NCLN: variants seen among roughly 807,000 people sequenced by gnomAD.
NCLN encodes the protein BOS complex subunit NCLN.
Under a neutral mutation model 69.5 loss-of-function variants are expected in NCLN, and 34 were observed. The observed-to-expected ratio is 0.49, with a 90% CI of 0.37 to 0.65. The LOEUF is 0.65. Among genes scored for constraint, NCLN ranks in the 30% least tolerant of loss-of-function variants. The pLI is 0.00. For synonymous variants in NCLN, 393 were observed against 358.3 expected (o/e 1.10, Z -1.09); for missense variants, 710 against 804.8 (o/e 0.88, Z 1.42).
At chr19:3,198,157 G>T (rs988907303) in intron 4 of NCLN, among the ~76,000 whole-genome samples, 16 of 152,150 alleles carry the variant, frequency 1.1e-4, no homozygotes, top group Admixed American at 3.9e-4. Context: ...GAGGGGCTCA[G>T]CCCCGTTCCC....
chr19:3,206,653 T>C (rs752927638), intron 12 of NCLN, among the ~76,000 whole-genome samples: 17 of 152,098 alleles, frequency 1.1e-4, no homozygotes, highest in Non-Finnish European at 2.1e-4. Flanking sequence ...CTGGCCAACA[T>C]AGTGAAACCT....
chr19:3,189,092 C>T (rs557405787), intron 1 of NCLN, among the ~76,000 whole-genome samples: 8 of 152,332 alleles, frequency 5.3e-5, no homozygotes, highest in African/African-American at 1.2e-4. Context: ...AGGCACAGGG[C>T]GGGGCGGTGC....
At chr19:3,198,201 G>A (rs528582752) in intron 4 of NCLN, among the ~76,000 whole-genome samples, 66 of 152,142 alleles carry the variant, frequency 4.3e-4, no homozygotes, top group South Asian at 8.3e-4. Flanking sequence ...GCTCAGCCCC[G>A]TTCCTATAAA....
chr19:3,206,492 C>A, intron 12 of NCLN, 67 bp downstream of exon 12: 2 of 1,482,060 alleles, frequency 1.3e-6, no homozygotes, highest in Non-Finnish European at 1.8e-6. Context: ...CCTACTGCAT[C>A]TCCCACCCCC....
intron 7 of NCLN, 44 bp from the exon 8 acceptor site, chr19:3,203,961 C>T (rs903041661): frequency 6.5e-7 from 1 of 1,542,752 alleles, no homozygotes; most frequent in East Asian, 2.4e-5. Context: ...CCGGGGGCCA[C>T]TTCCTGGTCC....
chr19:3,206,982 C>T (rs949097932), intron 12 of NCLN, among the ~76,000 whole-genome samples: 1 of 152,046 alleles, frequency 6.6e-6, no homozygotes, highest in African/African-American at 2.4e-5. Context: ...CCACCATGCC[C>T]GGCTAATTTT....
At position 3,204,097 on chromosome 19, in the gene NCLN, C is replaced by T. The variant is rs1430411659; in HGVS notation, c.982C>T (p.Pro328Ser). The part of the protein sequence containing the change: ...SSLHLHVSKP[P>S]REGTLQHAFL... ...CCTGCACCTGCACGTGTCCAAGCCG[C>T]CTCGGGAGGGCACCCTGCAGCACGC... is the stretch of plus-strand genomic sequence containing the variant. Residue 328 changes from proline (P) to serine (S), a missense_variant, in exon 8 of 15, where the codon CCT (proline) becomes TCT (serine). By Grantham distance (74) the Pro-to-Ser change is moderately conservative (BLOSUM62 -1). Transcript: ENST00000246117. The T allele has an allele frequency of 3.3e-6, 5 of 1,530,632 alleles. No homozygotes were observed. Among genetic ancestry groups the T allele is most frequent in the Non-Finnish European group, 4.4e-6 (5 of 1,141,174 alleles). The allele number at this position is 1,530,632 out of a possible 1,614,324, so 94.8% of individuals were successfully genotyped here.
chr19:3,187,161 A>G (rs1599345693), intron 1 of NCLN, among the ~76,000 whole-genome samples: 1 of 149,224 alleles, frequency 6.7e-6, no homozygotes, highest in African/African-American at 2.5e-5. Context: ...CCAAATTCGC[A>G]CCCCCTTGCC....
Position 3,186,099 on chromosome 19 carries a change from C to T in NCLN, c.69C>T (p.Ile23=), listed in dbSNP as rs770585966. The change falls in exon 1 of 15, where the codon ATC becomes ATT. Residue 23 remains isoleucine (I), a synonymous_variant. Transcript: ENST00000246117. ...CGTCTTGTCTGCCGCTCGGCTTCAT[C>T]GTCTTCCTGCCCGCTGTGCTGCTGC... ...LKASCLPLGF[I]VFLPAVLLLV... The T allele has an allele frequency of 2.5e-6, 4 of 1,599,878 alleles. No individual in the cohort carries two copies. The highest frequency in any genetic ancestry group is 2.8e-5 in the African/African-American group (2 of 72,448).
chr19:3,193,926 G>C (rs1481974915), intron 3 of NCLN, among the ~76,000 whole-genome samples: 4 of 152,228 alleles, frequency 2.6e-5, no homozygotes, highest in Admixed American at 2.6e-4. Context: ...TGGGACCTGT[G>C]GTGGGGAAAG....
chr19:3,204,055 G>T lies in NCLN; in HGVS notation c.940G>T (p.Val314Leu), dbSNP rs747704982. 1 of 1,569,468 alleles carries T rather than the reference G, an allele frequency of 6.4e-7. No homozygotes were observed. Among genetic ancestry groups the T allele is most frequent in the African/African-American group, 1.4e-5 (1 of 73,662 alleles). ...GGCCTTCGTGCTGTGCCTGGACACC[G>T]TGGGCCGGGGCAGCAGCCTGCACCT... ...NVAFVLCLDT[V>L]GRGSSLHLHV... Residue 314 changes from valine to leucine, a missense_variant, in exon 8 of 15, where the codon GTG (valine) becomes TTG (leucine). Transcript: ENST00000246117.
At chr19:3,193,648 C>T (rs1915888328) in intron 3 of NCLN, among the ~76,000 whole-genome samples, 1 of 152,262 alleles carries the variant, frequency 6.6e-6, no homozygotes, top group East Asian at 1.9e-4. Flanking sequence ...CCTGTCCCCC[C>T]TCCCAGCTGC....
At chr19:3,201,679 C>T (rs1916130796) in intron 6 of NCLN, 53 bp downstream of exon 6, 5 of 1,333,266 alleles carry the variant, frequency 3.8e-6, no homozygotes, top group Non-Finnish European at 5.1e-6. Flanking sequence ...CACTGCCGGA[C>T]AGCGCTGCCC....
In NCLN at chr19:3,203,490, A is replaced by G. The variant is rs111389640; in HGVS notation, c.801-266A>G. On this transcript the variant is annotated intron_variant, in intron 6 of 14. Coordinates refer to ENST00000246117, the MANE Select transcript of NCLN (RefSeq NM_020170.4). ...AGACACTGAGTGATTTGCAGTTGTCATTGGGGGAAGCTCCCGGTATGGGGT... is the reference window on the plus strand; with the variant it reads ...AGACACTGAGTGATTTGCAGTTGTCGTTGGGGGAAGCTCCCGGTATGGGGT... Among the ~76,000 whole-genome samples, 103 of 152,206 alleles carry G rather than the reference A, an allele frequency of 6.8e-4. 3 individuals carry two copies. Among genetic ancestry groups the G allele is most frequent in the African/African-American group, 2.4e-3 (100 of 41,542 alleles).
chr19:3,203,162 G>A (rs1916169841), intron 6 of NCLN, among the ~76,000 whole-genome samples: 1 of 151,932 alleles, frequency 6.6e-6, no homozygotes, highest in South Asian at 2.1e-4. Context: ...TACAAAATTA[G>A]CCAGGTGTGG....
In NCLN at chr19:3,206,007, T is replaced by G; in HGVS notation, c.1277T>G (p.Ile426Ser). 6.2e-7 allele frequency: 1 copy of G among 1,613,476 alleles called. No individual in the cohort carries two copies. The highest frequency in any genetic ancestry group is 8.5e-7 in the Non-Finnish European group (1 of 1,179,964). The change falls in exon 10 of 15, where the codon ATC becomes AGC. Residue 426 changes from isoleucine (I) to serine (S), a missense_variant. Physicochemically the swap from Ile to Ser is moderately radical, Grantham distance 142 (BLOSUM62 -2). Coordinates refer to ENST00000246117, the MANE Select transcript of NCLN (RefSeq NM_020170.4). ...RIIAEALTRV[I>S]YNLTEKGTPP... Reference sequence around the variant, plus strand: ...ATTGCAGAGGCCCTGACTCGAGTCATCTACAACCTGACAGAGAAGGTGAGC... The same window carrying G: ...ATTGCAGAGGCCCTGACTCGAGTCAGCTACAACCTGACAGAGAAGGTGAGC...
At chr19:3,192,717 G>C (rs944813288) in intron 2 of NCLN, 57 bp downstream of exon 2, 72 of 1,444,918 alleles carry the variant, frequency 5.0e-5, no homozygotes, top group Admixed American at 3.5e-4. Flanking sequence ...GGGAGTTGGA[G>C]GCAACTGTGT....
At chr19:3,198,787 C>A in intron 4 of NCLN, 30 bp from the exon 5 acceptor site, 1 of 1,559,766 alleles carries the variant, frequency 6.4e-7, no homozygotes, top group Non-Finnish European at 8.7e-7. Flanking sequence ...CCAGGAACAG[C>A]CAGGCCATTC....
At chr19:3,206,651 C>T (rs1047527971) in intron 12 of NCLN, among the ~76,000 whole-genome samples, 27 of 152,152 alleles carry the variant, frequency 1.8e-4, no homozygotes, top group Admixed American at 1.8e-3. Context: ...GACTGGCCAA[C>T]ATAGTGAAAC....
Sources: gnomAD v4.1 joint callset for allele counts (sites outside exome capture counted in the v4.1 genomes callset) on GRCh38, gnomAD v4.1.1 for gene constraint, MANE v1.5 for transcripts, NCBI Gene and HGNC (gene_info 2026-07-23, HGNC 2026-07-21) for gene names.